CASKIN2: variants seen among roughly 807,000 people sequenced by gnomAD.
CASKIN2 encodes caskin-2.
CASKIN2 carries 41 observed loss-of-function variants against 107.1 expected under a neutral mutation model. The observed-to-expected ratio is 0.38, with a 90% CI of 0.30 to 0.50. The LOEUF is 0.50. Ranked by LOEUF, CASKIN2 falls within the 20% of genes least tolerant of loss-of-function variation. The pLI, the probability that CASKIN2 is intolerant of heterozygous loss-of-function variation, is 0.92. For missense variants in CASKIN2, 1,546 were observed against 1,657.4 expected (o/e 0.93, Z 1.17); for synonymous variants, 724 against 705.6 (o/e 1.03, Z -0.41).
Position 75,505,097 on chromosome 17 carries a change from G to A in CASKIN2, c.931-24C>T, listed in dbSNP as rs1320927764. The A allele has an allele frequency of 3.5e-6, 5 of 1,444,476 alleles. 1 individual carries two copies. Among genetic ancestry groups the A allele is most frequent in the Non-Finnish European group, 3.8e-6 (4 of 1,048,126 alleles). The allele number at this position is 1,444,476 out of a possible 1,614,324, so 89.5% of individuals were successfully genotyped here. On this transcript the variant is annotated intron_variant, in intron 10 of 19. Coordinates refer to ENST00000321617, the MANE Select transcript of CASKIN2 (RefSeq NM_020753.5). The surrounding 1 kb of genome is among the most constrained non-coding windows in gnomAD (Gnocchi z 5.1). ...ACCTGCGGCCAGGGGTGGGGGGCGGGGACGGTCACTCCCAGCACCAGGCAA... is the reference window on the plus strand; with the variant it reads ...ACCTGCGGCCAGGGGTGGGGGGCGGAGACGGTCACTCCCAGCACCAGGCAA...
In CASKIN2 at chr17:75,503,848, C is replaced by T; in HGVS notation, c.1578+4G>A. On this transcript the variant is annotated splice_donor_region_variant and intron_variant, in intron 15 of 19. Transcript: ENST00000321617. ...GGGTGCTGCTTCCCGGCTGCAGCAC[C>T]CACCTCAGGTGTCATGCGGCTGATG... 1 of 1,612,538 alleles carries T rather than the reference C, an allele frequency of 6.2e-7. No homozygotes were observed. The highest frequency in any genetic ancestry group is 8.5e-7 in the Non-Finnish European group (1 of 1,179,840).
chr17:75,506,530 C>T lies in CASKIN2; in HGVS notation c.617+53G>A. The T allele has an allele frequency of 1.9e-6, 3 of 1,605,092 alleles. No individual in the cohort carries two copies. The highest frequency in any genetic ancestry group is 3.4e-4 in the Middle Eastern group (2 of 5,912). ...GGCAGTGGGGGAGAGCACTGAGGGG[C>T]ACCGATGGTCCCGCAGGCAGGTGAT... On this transcript the variant is annotated intron_variant, in intron 7 of 19. Coordinates refer to ENST00000321617, the MANE Select transcript of CASKIN2 (RefSeq NM_020753.5). This position sits in a 1 kb window ranked among gnomAD's most constrained non-coding sequence, Gnocchi z 4.8.
In CASKIN2 at chr17:75,505,623, C is replaced by A; in HGVS notation, c.864G>T (p.Ala288=). 3 of 1,613,362 alleles carry A rather than the reference C, an allele frequency of 1.9e-6. No individual in the cohort carries two copies. In the South Asian group the frequency reaches 3.3e-5, roughly 18 times the overall value. Residue 288 remains alanine, a synonymous_variant, in exon 10 of 20, where the codon GCG becomes GCT. Transcript: ENST00000321617. This position sits in a 1 kb window ranked among gnomAD's most constrained non-coding sequence, Gnocchi z 5.1. ...REASGILKVR[A]LKDFWNLHDP... ...CGTGGAGGTTCCAGAAATCCTTGAGCGCTCGGACCTTCAGGATCCCTGAGG... is the reference window on the plus strand; with the variant it reads ...CGTGGAGGTTCCAGAAATCCTTGAGAGCTCGGACCTTCAGGATCCCTGAGG...
Position 75,505,320 on chromosome 17 carries a change from A to T in CASKIN2, c.930+237T>A. 1.6e-6 allele frequency: 1 copy of T among 624,586 alleles called. No homozygotes were observed. The highest frequency in any genetic ancestry group is 2.8e-6 in the Non-Finnish European group (1 of 356,994). The allele number at this position is 624,586 out of a possible 1,614,324, so 38.7% of individuals were successfully genotyped here. A position where few individuals can be genotyped will look rare whatever the true frequency, so the allele number is the denominator to read the frequency against. ...TCAAATCACAGCTCCACTACTTGCT[A>T]GCTGTGTGACCTTGGGCAAGTCACT... is the stretch of plus-strand genomic sequence containing the variant. On this transcript the variant is annotated intron_variant, in intron 10 of 19. Transcript: ENST00000321617. This position sits in a 1 kb window ranked among gnomAD's most constrained non-coding sequence, Gnocchi z 5.1.
Position 75,502,701 on chromosome 17 carries a change from C to A in CASKIN2, c.2373G>T (p.Pro791=). 1.3e-6 allele frequency: 2 copies of A among 1,564,268 alleles called. No individual in the cohort carries two copies. The highest frequency in any genetic ancestry group is 2.3e-5 in the East Asian group (1 of 42,702). Residue 791 remains proline (P), a synonymous_variant, in exon 18 of 20, where the codon CCG becomes CCT. Transcript: ENST00000321617. This position sits in a 1 kb window ranked among gnomAD's most constrained non-coding sequence, Gnocchi z 4.3. ...LAGPPATPPD[P]PRPKRRSHSL... is the part of the protein sequence containing the mutation. Reference sequence around the variant, plus strand: ...TGTGGGACCGGCGCTTAGGTCGAGGCGGGTCTGGGGGAGTGGCAGGGGGCC... The same window carrying A: ...TGTGGGACCGGCGCTTAGGTCGAGGAGGGTCTGGGGGAGTGGCAGGGGGCC...
rs2146989425 is a variant in CASKIN2 at position 75,506,483 on chromosome 17, G to A, written c.618-70C>T. On this transcript the variant is annotated intron_variant, in intron 7 of 19. Coordinates refer to ENST00000321617, the MANE Select transcript of CASKIN2 (RefSeq NM_020753.5). This position sits in a 1 kb window ranked among gnomAD's most constrained non-coding sequence, Gnocchi z 4.8. ...GGTGCTGACTGCTGGGGGCCTGGGA[G>A]ATGGAGAGCCCGGGTGAAAAGGGCA... is the stretch of plus-strand genomic sequence containing the variant. The A allele has an allele frequency of 1.3e-6, 2 of 1,586,886 alleles. No homozygotes were observed. Among genetic ancestry groups the A allele is most frequent in the Middle Eastern group, 3.6e-4 (2 of 5,582 alleles).
Position 75,507,593 on chromosome 17 carries a change from C to T in CASKIN2, c.235G>A (p.Asp79Asn). The T allele has an allele frequency of 1.9e-6, 3 of 1,612,914 alleles. No homozygotes were observed. The highest frequency in any genetic ancestry group is 2.5e-6 in the Non-Finnish European group (3 of 1,179,458). The part of the protein sequence containing the change: ...LEAQATVDIK[D>N]SNGMRPLHYA... ...CACATGGGGGTCTCACCATTGCTGT[C>T]CTTGATGTCAACAGTGGCCTGAGCC... The change falls in exon 4 of 20, where the codon GAC (aspartate) becomes AAC (asparagine). Residue 79 changes from aspartate (D) to asparagine (N), a missense_variant. Asp to Asn is a conservative substitution (Grantham distance 23, BLOSUM62 1). Transcript: ENST00000321617.
chr17:75,510,458 G>A (rs1182654317), intron 2 of CASKIN2, among the ~76,000 whole-genome samples: 1 of 152,168 alleles, frequency 6.6e-6, no homozygotes, highest in Non-Finnish European at 1.5e-5. Flanking sequence ...ACGATATGGA[G>A]CAAGAGTCCC....
intron 2 of CASKIN2, 52 bp from the exon 3 acceptor site, chr17:75,508,337 A>T (rs1231786999): frequency 6.4e-7 from 1 of 1,574,386 alleles, no homozygotes; most frequent in African/African-American, 1.4e-5. Flanking sequence ...GCCCTCACTC[A>T]GCATCCCTCC....
rs756585725 is a variant in CASKIN2, at chr17:75,501,469, C to G, written c.3517G>C (p.Gly1173Arg). ...EKSIGTKEQE[G>R]TPSASTKHIL... ...CCCTCCCCATCCGGCCCCCCTCACC[C>G]CTCTTGCTCCTTGGTGCCAATGCTC... Residue 1173 changes from glycine (G) to arginine (R), a missense_variant and splice_region_variant, in exon 19 of 20, where the codon GGC becomes CGC. Coordinates refer to ENST00000321617, the MANE Select transcript of CASKIN2 (RefSeq NM_020753.5). The G allele has an allele frequency of 6.2e-7, 1 of 1,605,722 alleles. No individual in the cohort carries two copies. Among genetic ancestry groups the G allele is most frequent in the African/African-American group, 1.3e-5 (1 of 74,802 alleles).
Position 75,513,882 on chromosome 17 carries a change from C to T in CASKIN2, c.-78G>A, listed in dbSNP as rs1057458055. The T allele has an allele frequency of 1.1e-5, 15 of 1,339,102 alleles. No homozygotes were observed. The highest frequency in any genetic ancestry group is 5.4e-5 in the Admixed American group (3 of 56,058). The allele number at this position is 1,339,102 out of a possible 1,614,324, so 83.0% of individuals were successfully genotyped here. On this transcript the variant is annotated 5_prime_UTR_variant, in exon 2 of 20. Transcript: ENST00000321617. ...ACGGGTCCAAGCTGGGGCGTCAGGG[C>T]GCCATGCCACAGCCCCTTGGAGGGC...
In CASKIN2 at chr17:75,503,406, A is replaced by G. The variant is rs746939103; in HGVS notation, c.1802T>C (p.Ile601Thr). Residue 601 changes from isoleucine (I) to threonine (T), a missense_variant, in exon 17 of 20, where the codon ATT becomes ACT. Around this residue, in one of 6 missense-constraint regions of CASKIN2, gnomAD observed 1,311 missense variants for 1,311.0 expected, o/e 1.00. Coordinates refer to ENST00000321617, the MANE Select transcript of CASKIN2 (RefSeq NM_020753.5). ...GTCCTTACCGAGCTTGTTGACCCCA[A>G]TCTCCTGCAGCTCCTCCCAGGTGAG... ...ADLTWEELQEIGVNKLGHQKK... is the reference protein window; with the variant it reads ...ADLTWEELQETGVNKLGHQKK... 11 of 1,612,350 alleles carry G rather than the reference A, an allele frequency of 6.8e-6. No homozygotes were observed. The Admixed American group carries it at 1.0e-4, about 15-fold the overall frequency.
Position 75,503,769 on chromosome 17 carries a change from C to G in CASKIN2, c.1579-9G>C, listed in dbSNP as rs755294706. 5 of 1,612,446 alleles carry G rather than the reference C, an allele frequency of 3.1e-6. No individual in the cohort carries two copies. The Admixed American group carries it at 6.7e-5, about 22-fold the overall frequency. On this transcript the variant is annotated splice_polypyrimidine_tract_variant and intron_variant, in intron 15 of 19. Transcript: ENST00000321617. Reference sequence around the variant, plus strand: ...CCGATGGCCGTCAGGTCCTGCCACACAAAGTCTGGCCATCAGGCCCCTCCC... The same window carrying G: ...CCGATGGCCGTCAGGTCCTGCCACAGAAAGTCTGGCCATCAGGCCCCTCCC...
intron 2 of CASKIN2, chr17:75,509,630 C>G: frequency 1.0e-6 from 1 of 985,552 alleles, no homozygotes; most frequent in Non-Finnish European, 1.2e-6. Context: ...TCATACAGAA[C>G]CATTTGAGGC....
rs977296966 is a variant in CASKIN2, at chr17:75,505,081, C to G, written c.931-8G>C. On this transcript the variant is annotated splice_polypyrimidine_tract_variant and splice_region_variant and intron_variant, in intron 10 of 19. Transcript: ENST00000321617. This position sits in a 1 kb window ranked among gnomAD's most constrained non-coding sequence, Gnocchi z 5.1. ...GGGATGCTGTTCTAGCACCTGCGGC[C>G]AGGGGTGGGGGGCGGGGACGGTCAC... 1.2e-5 allele frequency: 20 copies of G among 1,605,654 alleles called. No individual in the cohort carries two copies. The highest frequency in any genetic ancestry group is 1.7e-5 in the Non-Finnish European group (20 of 1,177,966).
chr17:75,502,506 G>C lies in CASKIN2; in HGVS notation c.2568C>G (p.Ser856Arg). The C allele has an allele frequency of 6.8e-7, 1 of 1,470,414 alleles. No individual in the cohort carries two copies. The highest frequency in any genetic ancestry group is 1.4e-5 in the South Asian group (1 of 71,282). 91.1% of individuals were successfully genotyped at this position (1,470,414 alleles called of 1,614,324 possible). The stretch of plus-strand genomic sequence containing the variant: ...GCCGGGCCCGCAGGGCAAAGGACTG[G>C]CTGCGAGGAGTCCCCCGAGCTGGGG... ...TPTPARGTPR[S>R]QSFALRARRK... is the part of the protein sequence containing the mutation. The change falls in exon 18 of 20, where the codon AGC becomes AGG. Residue 856 changes from serine (S) to arginine (R), a missense_variant. By Grantham distance (110) the Ser-to-Arg change is moderately radical (BLOSUM62 -1). Transcript: ENST00000321617. The surrounding 1 kb of genome is among the most constrained non-coding windows in gnomAD (Gnocchi z 4.3).
rs2053260939 is a variant in CASKIN2 at position 75,505,972 on chromosome 17, C to T, written c.727-43G>A. ...CATGAGCACACGCTAAGCACTTTGA[C>T]ACCCCTCACCCGATTCTCTCAGCTA... On this transcript the variant is annotated intron_variant, in intron 8 of 19. Coordinates refer to ENST00000321617, the MANE Select transcript of CASKIN2 (RefSeq NM_020753.5). This position sits in a 1 kb window ranked among gnomAD's most constrained non-coding sequence, Gnocchi z 5.1. 7.2e-6 allele frequency: 11 copies of T among 1,525,748 alleles called. No homozygotes were observed. Among genetic ancestry groups the T allele is most frequent in the Non-Finnish European group, 9.9e-6 (11 of 1,106,818 alleles). 94.5% of individuals were successfully genotyped at this position (1,525,748 alleles called of 1,614,324 possible). A position where few individuals can be genotyped will look rare whatever the true frequency, so the allele number is the denominator to read the frequency against.
At position 75,506,922 on chromosome 17, in the gene CASKIN2, G is replaced by A; in HGVS notation, c.391-28C>T. The A allele has an allele frequency of 1.2e-6, 2 of 1,612,064 alleles. No homozygotes were observed. Among genetic ancestry groups the A allele is most frequent in the East Asian group, 2.2e-5 (1 of 44,832 alleles). ...GGGGTTGGGGGAGCCGAGTGAGGGG[G>A]CCTGGCCTGTCCGGCACCCCACCCT... On this transcript the variant is annotated intron_variant, in intron 5 of 19. Coordinates refer to ENST00000321617, the MANE Select transcript of CASKIN2 (RefSeq NM_020753.5). The surrounding 1 kb of genome is among the most constrained non-coding windows in gnomAD (Gnocchi z 4.8).
In CASKIN2 at chr17:75,514,149, C is replaced by T. The variant is rs1364202131; in HGVS notation, c.-345G>A. ...TGGCTGTGGAACACCAGTGCCCACCCAGAGAGCAGCCAGCATTCCCTTGGG... is the reference window on the plus strand; with the variant it reads ...TGGCTGTGGAACACCAGTGCCCACCTAGAGAGCAGCCAGCATTCCCTTGGG... On this transcript the variant is annotated 5_prime_UTR_variant, in exon 2 of 20. It introduces an in-frame stop codon into an upstream open reading frame of the 5' UTR. Coordinates refer to ENST00000321617, the MANE Select transcript of CASKIN2 (RefSeq NM_020753.5). 1.9e-6 allele frequency: 1 copy of T among 524,498 alleles called. No individual in the cohort carries two copies. Among genetic ancestry groups the T allele is most frequent in the African/African-American group, 1.9e-5 (1 of 52,758 alleles). The allele number at this position is 524,498 out of a possible 1,614,324, so 32.5% of individuals were successfully genotyped here. A position where few individuals can be genotyped will look rare whatever the true frequency, so the allele number is the denominator to read the frequency against.
Sources: gnomAD v4.1 joint callset for allele counts (sites outside exome capture counted in the v4.1 genomes callset) on GRCh38, gnomAD v4.1.1 for gene constraint, gnomAD v4.1.1 regional missense constraint, Gnocchi (gnomAD v3.1) non-coding constraint, MANE v1.5 for transcripts, NCBI Gene and HGNC (gene_info 2026-07-23, HGNC 2026-07-21) for gene names.